The following CEP57 variants were observed in gnomAD, a reference collection of about 807,000 sequenced individuals.
CEP57 encodes the protein centrosomal protein 57.
A neutral mutation model predicts 68.0 loss-of-function variants in CEP57; 40 were observed. The observed-to-expected ratio is 0.59, with a 90% CI of 0.46 to 0.77. The LOEUF (loss-of-function observed/expected upper bound fraction) is 0.77. CEP57 is among the 30% of genes least tolerant of loss of function. CEP57 has a pLI of 0.00. For missense variants in CEP57, 606 were observed against 580.7 expected (o/e 1.04, Z -0.45); for synonymous variants, 219 against 198.7 (o/e 1.10, Z -0.86).
intron 2 of CEP57, among the ~76,000 whole-genome samples, chr11:95,808,167 T>C (rs1861893161): frequency 6.6e-6 from 1 of 152,078 alleles, no homozygotes; most frequent in Non-Finnish European, 1.5e-5. Context: ...AAGCAAATGC[T>C]GAGAGATTTT....
rs1377592057 is a variant in CEP57, at chr11:95,812,335, TACC to T, written c.203-594_203-592del. Among the ~76,000 whole-genome samples, 18 of 152,146 alleles carry T rather than the reference TACC, an allele frequency of 1.2e-4. No individual in the cohort carries two copies. The South Asian group carries it at 2.1e-3, about 18-fold the overall frequency. On this transcript the variant is annotated intron_variant, in intron 2 of 10. Transcript: ENST00000325542. ...ACTTTGTATGATTGGCTAAATTTTT[TACC>T]ACTTTATAAAAGTCTTTGAAATTTT...
At chr11:95,794,305 AAG>A (rs774063248) in intron 1 of CEP57, 10 of 455,798 alleles carry the variant, frequency 2.2e-5, no homozygotes, top group African/African-American at 1.4e-4. Flanking sequence ...TTCAAGAAAG[AAG>A]AGAGAGAAAA....
intron 1 of CEP57, among the ~76,000 whole-genome samples, chr11:95,794,582 G>C (rs1213175442): frequency 6.6e-6 from 1 of 152,048 alleles, no homozygotes. Context: ...GTGTGTGTGT[G>C]TGTTCTTCTG....
intron 8 of CEP57, chr11:95,826,769 T>C (rs1297488208): frequency 6.6e-6 from 1 of 152,216 alleles, no homozygotes; most frequent in African/African-American, 2.4e-5. Context: ...ATTAGTATGC[T>C]AAATATATAT....
intron 2 of CEP57, among the ~76,000 whole-genome samples, chr11:95,803,659 A>G (rs1258403451): frequency 3.3e-5 from 5 of 149,340 alleles, no homozygotes; most frequent in Non-Finnish European, 5.9e-5. Flanking sequence ...CTTGAAGAAC[A>G]TTAGGGACTC....
chr11:95,822,840 G>A, intron 8 of CEP57: 2 of 459,822 alleles, frequency 4.3e-6, no homozygotes, highest in Non-Finnish European at 8.0e-6. Context: ...AGAAGGTGTT[G>A]TTTCAGATAG....
intron 7 of CEP57, chr11:95,822,264 T>A: frequency 1.7e-6 from 1 of 582,494 alleles, no homozygotes; most frequent in Non-Finnish European, 3.0e-6. Context: ...GTATACTGAT[T>A]TTCTACTTAG....
In CEP57 at chr11:95,831,940, T is replaced by C. The variant is rs1348724391; in HGVS notation, c.*684T>C. The C allele has an allele frequency of 6.6e-6, 1 of 152,144 alleles. No individual in the cohort carries two copies. The highest frequency in any genetic ancestry group is 6.6e-5 in the Admixed American group (1 of 15,258). The allele number at this position is 152,144 out of a possible 1,614,324, so 9.4% of individuals were successfully genotyped here. A position where few individuals can be genotyped will look rare whatever the true frequency, so the allele number is the denominator to read the frequency against. ...AAGTATAAACAAATTGTCAGTGAAA[T>C]AAATGAGATTTTGGAATAAAGTGAG... On this transcript the variant is annotated 3_prime_UTR_variant, in exon 11 of 11. Coordinates refer to ENST00000325542, the MANE Select transcript of CEP57 (RefSeq NM_014679.5).
Position 95,790,533 on chromosome 11 carries a change from G to C in CEP57, c.-166G>C, listed in dbSNP as rs1860970680. ...AAGCTGTGAGCGTAGGCGGCCCTGA[G>C]GGGGTGTGTTGCAGGGGTTTCCAAG... On this transcript the variant is annotated 5_prime_UTR_variant, in exon 1 of 11. Coordinates refer to ENST00000325542, the MANE Select transcript of CEP57 (RefSeq NM_014679.5). The C allele has an allele frequency of 1.4e-6, 1 of 724,380 alleles. No individual in the cohort carries two copies. Among genetic ancestry groups the C allele is most frequent in the Non-Finnish European group, 2.3e-6 (1 of 427,778 alleles). The allele number at this position is 724,380 out of a possible 1,614,324, so 44.9% of individuals were successfully genotyped here.
At chr11:95,809,016 T>C (rs1219857293) in intron 2 of CEP57, among the ~76,000 whole-genome samples, 3 of 152,288 alleles carry the variant, frequency 2.0e-5, no homozygotes, top group East Asian at 1.9e-4. Context: ...CAGACCACAG[T>C]GCAATCAAAC....
chr11:95,798,017 TTTCCAGTTA>T (rs1861422737), intron 1 of CEP57, among the ~76,000 whole-genome samples: 1 of 152,358 alleles, frequency 6.6e-6, no homozygotes, highest in South Asian at 2.1e-4. Flanking sequence ...CTCATCCTAT[TTTCCAGTTA>T]CCTGTAAAAC....
intron 6 of CEP57, 22 bp from the exon 7 acceptor site, chr11:95,821,849 T>C (rs1565329228): frequency 2.0e-6 from 3 of 1,498,244 alleles, no homozygotes; most frequent in African/African-American, 1.4e-5. Context: ...CAGCATTAAC[T>C]TGAGGCTCTC....
intron 10 of CEP57, 50 bp from the exon 11 acceptor site, chr11:95,830,975 AT>A (rs760000276): frequency 2.8e-6 from 4 of 1,446,966 alleles, no homozygotes; most frequent in South Asian, 2.3e-5. Flanking sequence ...CAGAAAAAAA[AT>A]ATTTTCATTA....
chr11:95,800,665 C>G (rs780694978), intron 2 of CEP57, among the ~76,000 whole-genome samples: 1 of 152,192 alleles, frequency 6.6e-6, no homozygotes, highest in Admixed American at 6.5e-5. Flanking sequence ...GCTGGGATTA[C>G]AGGCATGAGC....
At chr11:95,803,923 G>A (rs928544464) in intron 2 of CEP57, among the ~76,000 whole-genome samples, 21 of 152,046 alleles carry the variant, frequency 1.4e-4, no homozygotes, top group Non-Finnish European at 3.1e-4. Context: ...AAAGTTGTAG[G>A]TATAGCCATG....
intron 2 of CEP57, among the ~76,000 whole-genome samples, chr11:95,807,656 A>G (rs1036149550): frequency 4.1e-4 from 62 of 152,336 alleles, no homozygotes; most frequent in African/African-American, 1.4e-3. Context: ...AAGCGAGAAG[A>G]GAAGTTTAGA....
At chr11:95,821,260 G>A (rs1243987176) in intron 6 of CEP57, among the ~76,000 whole-genome samples, 1 of 152,122 alleles carries the variant, frequency 6.6e-6, no homozygotes, top group Admixed American at 6.6e-5. Flanking sequence ...AGTGAAAAGA[G>A]CAGTCCTTTT....
At chr11:95,805,392 T>C (rs1399363896) in intron 2 of CEP57, among the ~76,000 whole-genome samples, 2 of 152,220 alleles carry the variant, frequency 1.3e-5, no homozygotes, top group Non-Finnish European at 2.9e-5. Flanking sequence ...TGTGTGTCTG[T>C]TTCATGTCTG....
rs1387438880 is a variant in CEP57 at position 95,813,080 on chromosome 11, T to C, written c.351T>C (p.Asn117=). The change falls in exon 3 of 11, where the codon AAT becomes AAC. Residue 117 remains asparagine, a synonymous_variant. Transcript: ENST00000325542. ...VLDEQIQERE[N]SKNEESKHNQ... is the part of the protein sequence containing the mutation. Reference sequence around the variant, plus strand: ...ATGAACAGATACAAGAAAGGGAGAATTCAAAGAATGAGGAATCAAAGCACA... The same window carrying C: ...ATGAACAGATACAAGAAAGGGAGAACTCAAAGAATGAGGAATCAAAGCACA... The C allele has an allele frequency of 6.2e-7, 1 of 1,613,030 alleles. No homozygotes were observed. Among genetic ancestry groups the C allele is most frequent in the East Asian group, 2.2e-5 (1 of 44,856 alleles).
Sources: allele counts gnomAD v4.1 joint callset (sites outside exome capture counted in the v4.1 genomes callset), GRCh38; gene constraint gnomAD v4.1.1; transcripts MANE v1.5; gene names NCBI Gene and HGNC (gene_info 2026-07-23, HGNC 2026-07-21).